Variants in GPC6 observed in about 807,000 individuals in gnomAD.
GPC6 encodes glypican 6, also known as glypican-6.
GPC6 carries 14 observed loss-of-function variants against 55.2 expected under a neutral mutation model. The ratio of observed to expected loss-of-function variants is 0.25; its 90% CI spans 0.17 to 0.40. The LOEUF (loss-of-function observed/expected upper bound fraction) is 0.40, where lower values mean the gene tolerates loss of function less well. Ranked by LOEUF, GPC6 falls within the 10% of genes least tolerant of loss-of-function variation. The pLI is 1.00. For missense variants in GPC6, 641 were observed against 708.5 expected, an observed-to-expected ratio of 0.90 and a Z score of 1.08; for synonymous variants, 278 against 259.6, an observed-to-expected ratio of 1.07 and a Z score of -0.68.
Position 93,812,524 on chromosome 13 carries a change from A to T in GPC6, c.320-17630A>T, listed in dbSNP as rs12585553. 9.6e-4 allele frequency among the ~76,000 whole-genome samples: 147 copies of T among 152,342 alleles called. 1 individual carries two copies. In the East Asian group the frequency reaches 0.024, roughly 25 times the overall value. ...TTAATTTCCCTTAAATTATTTTTCT[A>T]ATCAAGGATATCACATAACTAACAC... On this transcript the variant is annotated intron_variant, in intron 2 of 8. Coordinates refer to ENST00000377047, the MANE Select transcript of GPC6 (RefSeq NM_005708.5).
At chr13:93,415,478 A>G (rs959837825) in intron 1 of GPC6, among the ~76,000 whole-genome samples, 2 of 152,132 alleles carry the variant, frequency 1.3e-5, no homozygotes, top group Non-Finnish European at 2.9e-5. Context: ...TTAGAAATGT[A>G]TAATTCTCAT....
In GPC6 at chr13:93,883,267, G is replaced by T. The variant is rs866213699; in HGVS notation, c.711+52722G>T. On this transcript the variant is annotated intron_variant, in intron 3 of 8. Coordinates refer to ENST00000377047, the MANE Select transcript of GPC6 (RefSeq NM_005708.5). Reference sequence around the variant, plus strand: ...TAAATGGCTGGATGTCTAGAAGGAAGCTTGCTGGATCAAAGGGTATCCAAG... The same window carrying T: ...TAAATGGCTGGATGTCTAGAAGGAATCTTGCTGGATCAAAGGGTATCCAAG... Among the ~76,000 whole-genome samples, 6 of 151,518 alleles carry T rather than the reference G, an allele frequency of 4.0e-5. No homozygotes were observed. In the East Asian group the frequency reaches 9.7e-4, roughly 24 times the overall value.
chr13:93,885,089 A>G (rs1424858604), intron 3 of GPC6, among the ~76,000 whole-genome samples: 6 of 152,134 alleles, frequency 3.9e-5, no homozygotes, highest in Non-Finnish European at 8.8e-5. Context: ...CTTGAAGAGT[A>G]TATACCCTAA....
chr13:93,403,031 G>C (rs1222166750), intron 1 of GPC6, among the ~76,000 whole-genome samples: 1 of 152,106 alleles, frequency 6.6e-6, no homozygotes, highest in Non-Finnish European at 1.5e-5. Context: ...CCACTTAAGA[G>C]TTGATTGAAA....
At chr13:93,217,563 C>G in the GPC6 span, among the ~76,000 whole-genome samples, 1 of 152,156 alleles carries the variant, frequency 6.6e-6, no homozygotes, top group Admixed American at 6.5e-5. Flanking sequence ...GTAACATGAT[C>G]CTTCATCTCT....
chr13:93,937,849 G>C (rs1186835995), intron 3 of GPC6, among the ~76,000 whole-genome samples: 1 of 152,156 alleles, frequency 6.6e-6, no homozygotes, highest in Non-Finnish European at 1.5e-5. Flanking sequence ...AAAGTGCTGG[G>C]ATTACAGGCA....
At chr13:93,779,704 A>T (rs1252418025) in intron 2 of GPC6, among the ~76,000 whole-genome samples, 1 of 152,102 alleles carries the variant, frequency 6.6e-6, no homozygotes, top group Non-Finnish European at 1.5e-5. Flanking sequence ...TCTCTTTTTC[A>T]TATGGGCCAG....
intron 4 of GPC6, among the ~76,000 whole-genome samples, chr13:94,189,311 A>G (rs1008987697): frequency 6.6e-6 from 1 of 152,172 alleles, no homozygotes. Flanking sequence ...AGTTTCACAT[A>G]AGAGCAGAGG....
At chr13:93,623,933 A>G (rs1241049531) in intron 2 of GPC6, among the ~76,000 whole-genome samples, 1 of 151,824 alleles carries the variant, frequency 6.6e-6, no homozygotes, top group Non-Finnish European at 1.5e-5. Context: ...TTTTAACTGG[A>G]ATTTTTTTCT....
intron 4 of GPC6, among the ~76,000 whole-genome samples, chr13:94,065,748 AC>A (rs1388925610): frequency 6.6e-6 from 1 of 152,166 alleles, no homozygotes; most frequent in Non-Finnish European, 1.5e-5. Context: ...ATCTTATTAC[AC>A]CCCACCATCT....
intron 1 of GPC6, among the ~76,000 whole-genome samples, chr13:93,231,402 T>TAA: frequency 2.5e-5 from 1 of 39,298 alleles, no homozygotes; most frequent in African/African-American, 1.3e-4. Flanking sequence ...TATATGTATA[T>TAA]ATATATATAT....
chr13:93,314,355 A>G (rs900314034), intron 1 of GPC6, among the ~76,000 whole-genome samples: 1 of 152,154 alleles, frequency 6.6e-6, no homozygotes, highest in South Asian at 2.1e-4. Flanking sequence ...ACAGCAATAC[A>G]CCCTCTTACA....
At chr13:93,393,127 T>TATATAG (rs1230857277) in intron 1 of GPC6, among the ~76,000 whole-genome samples, 2,661 of 87,484 alleles carry the variant, frequency 0.03, 31 homozygotes, top group Admixed American at 0.038. Context: ...TATATATATA[T>TATATAG]AGAGAGAGAG....
At chr13:94,158,039 A>G (rs2138908004) in intron 4 of GPC6, among the ~76,000 whole-genome samples, 1 of 152,296 alleles carries the variant, frequency 6.6e-6, no homozygotes, top group East Asian at 1.9e-4. Flanking sequence ...TAACCTGCCA[A>G]TATTGAGTTC....
intron 1 of GPC6, among the ~76,000 whole-genome samples, chr13:93,399,998 T>C (rs1014694857): frequency 3.9e-5 from 6 of 152,150 alleles, no homozygotes; most frequent in African/African-American, 1.4e-4. Flanking sequence ...TAAAACTCAG[T>C]AAATTGAAAT....
At chr13:93,404,588 A>C (rs1270978726) in intron 1 of GPC6, among the ~76,000 whole-genome samples, 4 of 152,178 alleles carry the variant, frequency 2.6e-5, no homozygotes, top group Non-Finnish European at 5.9e-5. Flanking sequence ...TTAGCTTCCT[A>C]AATTACATTT....
chr13:94,328,405 A>G (rs1877235352), intron 6 of GPC6, among the ~76,000 whole-genome samples: 1 of 152,214 alleles, frequency 6.6e-6, no homozygotes. Context: ...TGGCTCCTAC[A>G]TGGAAGGATT....
intron 2 of GPC6, among the ~76,000 whole-genome samples, chr13:93,779,693 G>A (rs934018604): frequency 3.3e-5 from 5 of 152,118 alleles, no homozygotes; most frequent in African/African-American, 1.2e-4. Flanking sequence ...AGTTATCACT[G>A]TCTCTTTTTC....
intron 6 of GPC6, among the ~76,000 whole-genome samples, chr13:94,321,624 C>G (rs7331502): frequency 0.099 from 15,044 of 152,200 alleles, 2,435 homozygotes; most frequent in African/African-American, 0.34. Flanking sequence ...AGCATTGGAA[C>G]GGTTATTTTT....
Sources: gnomAD v4.1 joint callset for allele counts (sites outside exome capture counted in the v4.1 genomes callset) on GRCh38, gnomAD v4.1.1 for gene constraint, MANE v1.5 for transcripts, NCBI Gene and HGNC (gene_info 2026-07-23, HGNC 2026-07-21) for gene names.